PIP4K2A: variants seen among roughly 807,000 people sequenced by gnomAD.
PIP4K2A encodes the protein phosphatidylinositol 5-phosphate 4-kinase type-2 alpha.
In PIP4K2A, 14 loss-of-function variants were observed where a neutral mutation model predicts 42.9. The observed-to-expected ratio is 0.33, with a 90% CI of 0.22 to 0.51. The LOEUF is 0.51. Ranked by LOEUF, PIP4K2A falls within the 20% of genes least tolerant of loss-of-function variation. The probability of loss-of-function intolerance (pLI) is 0.97; values close to 1 mark genes in which losing one functional copy is unlikely to be tolerated. For synonymous variants in PIP4K2A, 192 were observed against 192.2 expected, an observed-to-expected ratio of 1.00 and a Z score of 0.01; for missense variants, 434 against 519.8, an observed-to-expected ratio of 0.83 and a Z score of 1.61.
rs376958707 is a variant in PIP4K2A at position 22,582,579 on chromosome 10, T to C, written c.492+9050A>G. On this transcript the variant is annotated intron_variant, in intron 4 of 9. Transcript: ENST00000376573. Reference sequence around the variant, plus strand: ...ATATAGCATCAAATTAGTACTTCAATGTAAAGTCTTGTTTCATTTAATGTT... The same window carrying C: ...ATATAGCATCAAATTAGTACTTCAACGTAAAGTCTTGTTTCATTTAATGTT... Among the ~76,000 whole-genome samples the C allele has an allele frequency of 7.8e-4, 119 of 152,352 alleles. No homozygotes were observed. The South Asian group carries it at 0.024, about 31-fold the overall frequency.
At chr10:22,544,124 G>A (rs533745085) in intron 7 of PIP4K2A, among the ~76,000 whole-genome samples, 2 of 152,262 alleles carry the variant, frequency 1.3e-5, no homozygotes, top group East Asian at 3.9e-4. Flanking sequence ...GCTGGCATCG[G>A]AGGCCCTCCA....
chr10:22,540,118 C>T, intron 8 of PIP4K2A, 44 bp from the exon 9 acceptor site: 1 of 964,768 alleles, frequency 1.0e-6, no homozygotes. Flanking sequence ...TGTGACAACA[C>T]CAGTGCCAGC....
intron 1 of PIP4K2A, among the ~76,000 whole-genome samples, chr10:22,627,181 T>C (rs966271687): frequency 6.6e-6 from 1 of 152,242 alleles, no homozygotes; most frequent in African/African-American, 2.4e-5. Context: ...TCATTCTCCA[T>C]ATGCTATGAA....
intron 1 of PIP4K2A, among the ~76,000 whole-genome samples, chr10:22,669,637 G>A (rs978676955): frequency 3.9e-5 from 6 of 152,154 alleles, no homozygotes; most frequent in Non-Finnish European, 8.8e-5. Flanking sequence ...TATTGCGGGC[G>A]TGCCCACTGG....
At chr10:22,677,599 T>C (rs1839583578) in intron 1 of PIP4K2A, among the ~76,000 whole-genome samples, 1 of 152,150 alleles carries the variant, frequency 6.6e-6, no homozygotes, top group Admixed American at 6.5e-5. Context: ...GGAAACTGAG[T>C]GATGGGTTCA....
chr10:22,548,935 T>G (rs1836323925), intron 7 of PIP4K2A, among the ~76,000 whole-genome samples: 1 of 151,906 alleles, frequency 6.6e-6, no homozygotes, highest in East Asian at 1.9e-4. Flanking sequence ...ATGCCTGTAG[T>G]CCCAGCTACT....
At chr10:22,551,277 C>A (rs1432746672) in intron 6 of PIP4K2A, among the ~76,000 whole-genome samples, 1 of 152,128 alleles carries the variant, frequency 6.6e-6, no homozygotes, top group Non-Finnish European at 1.5e-5. Flanking sequence ...ACTTTCTGCA[C>A]CAGGGAGACA....
At chr10:22,714,090 C>A (rs1833964795) in intron 1 of PIP4K2A, 93 bp downstream of exon 1, 2 of 1,338,406 alleles carry the variant, frequency 1.5e-6, no homozygotes, top group Non-Finnish European at 2.0e-6. Context: ...ACTCCGGCTC[C>A]CCGCCCCGCA....
chr10:22,624,360 C>T (rs1279629753), intron 1 of PIP4K2A, among the ~76,000 whole-genome samples: 1 of 152,082 alleles, frequency 6.6e-6, no homozygotes, highest in Non-Finnish European at 1.5e-5. Context: ...GCAAATACTG[C>T]GGGCAGAGGC....
chr10:22,704,651 G>GAAAAAA (rs113174364), intron 1 of PIP4K2A, among the ~76,000 whole-genome samples: 1 of 64,194 alleles, frequency 1.6e-5, no homozygotes, highest in African/African-American at 5.6e-5. Context: ...GACCTCATCT[G>GAAAAAA]AAAAAAAAAA....
chr10:22,645,049 T>G (rs1198926307), intron 1 of PIP4K2A, among the ~76,000 whole-genome samples: 1 of 152,248 alleles, frequency 6.6e-6, no homozygotes, highest in Non-Finnish European at 1.5e-5. Context: ...AAAGAAATAT[T>G]AAACTATCAG....
chr10:22,664,131 A>ACG (rs1839283153), intron 1 of PIP4K2A, among the ~76,000 whole-genome samples: 1 of 52,534 alleles, frequency 1.9e-5, no homozygotes, highest in Admixed American at 2.5e-4. Context: ...ATATATATAC[A>ACG]TATATATATA....
chr10:22,538,792 C>T (rs868267382), intron 9 of PIP4K2A, among the ~76,000 whole-genome samples: 11 of 139,696 alleles, frequency 7.9e-5, no homozygotes, highest in African/African-American at 1.6e-4. Flanking sequence ...TGCTTACTGA[C>T]GTGCTCGGGG....
At chr10:22,713,270 C>A (rs1052676417) in intron 1 of PIP4K2A, among the ~76,000 whole-genome samples, 1 of 152,188 alleles carries the variant, frequency 6.6e-6, no homozygotes, top group African/African-American at 2.4e-5. Flanking sequence ...TCCTCCAATC[C>A]CCGACTGTGC....
Position 22,541,839 on chromosome 10 carries a change from G to T in PIP4K2A, c.1001C>A (p.Pro334Gln). 1 of 1,580,112 alleles carries T rather than the reference G, an allele frequency of 6.3e-7. No homozygotes were observed. The highest frequency in any genetic ancestry group is 8.6e-7 in the Non-Finnish European group (1 of 1,164,588). Residue 334 changes from proline to glutamine, a missense_variant, in exon 8 of 10, where the codon CCG becomes CAG. Around this residue, in one of 2 missense-constraint regions of PIP4K2A, gnomAD observed 395 missense variants for 444.5 expected, o/e 0.89. Transcript: ENST00000376573. ...SPPLAPGEFDPNIDVYGIKCH... is the reference protein window; with the variant it reads ...SPPLAPGEFDQNIDVYGIKCH... ...CTTAATTCCATAGACGTCGATGTTC[G>T]GATCGAACTCCCCGGGAGCCAGGGG...
intron 1 of PIP4K2A, among the ~76,000 whole-genome samples, chr10:22,676,399 A>G (rs1839559927): frequency 6.6e-6 from 1 of 152,122 alleles, no homozygotes; most frequent in Non-Finnish European, 1.5e-5. Context: ...TCTTCATCAG[A>G]ATTTGTAACC....
intron 1 of PIP4K2A, among the ~76,000 whole-genome samples, chr10:22,645,551 A>T (rs1838861842): frequency 2.3e-5 from 2 of 85,132 alleles, no homozygotes; most frequent in Non-Finnish European, 6.6e-5. Context: ...TATTTCTTTA[A>T]AAAAAAAAAA....
At position 22,650,808 on chromosome 10, in the gene PIP4K2A, G is replaced by C. The variant is rs1838978043; in HGVS notation, c.145-41091C>G. On this transcript the variant is annotated intron_variant, in intron 1 of 9. Coordinates refer to ENST00000376573, the MANE Select transcript of PIP4K2A (RefSeq NM_005028.5). ...AAGATTACTTCCTAAACTAGATGGA[G>C]AGTTTCTTCTTTTTGGAAATCTACT... Among the ~76,000 whole-genome samples, 2 of 150,750 alleles carry C rather than the reference G, an allele frequency of 1.3e-5. 1 individual carries two copies. Among genetic ancestry groups the C allele is most frequent in the Admixed American group, 1.3e-4 (2 of 15,166 alleles).
At chr10:22,645,528 CAG>C (rs2130800758) in intron 1 of PIP4K2A, among the ~76,000 whole-genome samples, 1 of 119,716 alleles carries the variant, frequency 8.4e-6, no homozygotes, top group South Asian at 2.6e-4. Context: ...TTCTGGGTAA[CAG>C]AGAAAGATTC....
Sources: allele counts gnomAD v4.1 joint callset (sites outside exome capture counted in the v4.1 genomes callset), GRCh38; gene constraint gnomAD v4.1.1; regional missense constraint gnomAD v4.1.1; transcripts MANE v1.5; gene names NCBI Gene and HGNC (gene_info 2026-07-23, HGNC 2026-07-21).